TAOK3: variants seen among roughly 807,000 people sequenced by gnomAD.
TAOK3 encodes TAO kinase 3, also known as serine/threonine-protein kinase TAO3.
TAOK3 carries 40 observed loss-of-function variants against 120.4 expected under a neutral mutation model. That is an observed-to-expected ratio of 0.33 (90% confidence interval 0.26 to 0.43). The LOEUF is 0.43. TAOK3 is among the 20% of genes least tolerant of loss of function. The pLI is 1.00. For missense variants in TAOK3, 821 were observed against 1,112.1 expected (o/e 0.74, Z 3.72); for synonymous variants, 355 against 387.5 (o/e 0.92, Z 0.99).
At chr12:118,349,008 C>G (rs2045012603) in intron 1 of TAOK3, among the ~76,000 whole-genome samples, 1 of 151,922 alleles carries the variant, frequency 6.6e-6, no homozygotes, top group Admixed American at 6.6e-5. Flanking sequence ...TCTCTTGCCT[C>G]AGGCTCTTGA....
intron 1 of TAOK3, among the ~76,000 whole-genome samples, chr12:118,286,843 A>T (rs1363270214): frequency 6.6e-6 from 1 of 152,258 alleles, no homozygotes; most frequent in Non-Finnish European, 1.5e-5. Flanking sequence ...CAATGAGTGG[A>T]TAAAGAAACT....
chr12:118,321,661 C>CA (rs930191915), intron 1 of TAOK3, among the ~76,000 whole-genome samples: 2 of 151,988 alleles, frequency 1.3e-5, no homozygotes, highest in African/African-American at 4.8e-5. Flanking sequence ...CAAGACATTT[C>CA]AAAAAAAGAG....
chr12:118,151,210 C>A, intron 20 of TAOK3, 52 bp from the exon 21 acceptor site: 1 of 1,593,644 alleles, frequency 6.3e-7, no homozygotes, highest in South Asian at 1.1e-5. Flanking sequence ...TAACAGGCAC[C>A]CACGTGCACG....
chr12:118,177,737 C>T (rs981325782), intron 15 of TAOK3, among the ~76,000 whole-genome samples: 12 of 151,896 alleles, frequency 7.9e-5, no homozygotes, highest in African/African-American at 2.2e-4. Flanking sequence ...GCAGGAGAAT[C>T]GCTTGAACCC....
At chr12:118,232,743 T>A (rs1271548182) in intron 9 of TAOK3, among the ~76,000 whole-genome samples, 1 of 151,844 alleles carries the variant, frequency 6.6e-6, no homozygotes, top group Non-Finnish European at 1.5e-5. Context: ...CTGTCTCTAC[T>A]AAAATACAAA....
chr12:118,208,448 A>G (rs2038448941), intron 11 of TAOK3, among the ~76,000 whole-genome samples: 1 of 152,168 alleles, frequency 6.6e-6, no homozygotes, highest in Non-Finnish European at 1.5e-5. Context: ...AAGATCTACT[A>G]TAAATTAAAA....
intron 1 of TAOK3, among the ~76,000 whole-genome samples, chr12:118,326,271 C>G (rs2043930941): frequency 6.6e-6 from 1 of 152,152 alleles, no homozygotes; most frequent in African/African-American, 2.4e-5. Context: ...ATTATCCTTT[C>G]TCCAATGTAT....
rs995261448 is a variant in TAOK3 at position 118,170,915 on chromosome 12, A to G, written c.1899+1542T>C. Among the ~76,000 whole-genome samples the G allele has an allele frequency of 2.0e-5, 3 of 152,294 alleles. No homozygotes were observed. In the East Asian group the frequency reaches 5.8e-4, roughly 29 times the overall value. On this transcript the variant is annotated intron_variant, in intron 17 of 20. Transcript: ENST00000392533. Reference sequence around the variant, plus strand: ...CAATGCAGCTCTCTAACAAGGTTCTATCAATTCACTTTTGTATTAACTGTG... The same window carrying G: ...CAATGCAGCTCTCTAACAAGGTTCTGTCAATTCACTTTTGTATTAACTGTG...
intron 1 of TAOK3, among the ~76,000 whole-genome samples, chr12:118,277,484 G>C (rs1198497387): frequency 1.3e-5 from 2 of 150,882 alleles, no homozygotes; most frequent in East Asian, 2.0e-4. Context: ...TTTTTAAGAC[G>C]GAGTCTTGCT....
intron 19 of TAOK3, among the ~76,000 whole-genome samples, chr12:118,158,725 T>C (rs969695850): frequency 2.6e-5 from 4 of 152,210 alleles, no homozygotes; most frequent in African/African-American, 9.6e-5. Flanking sequence ...GTAACACAAA[T>C]CTGATCCAGT....
At chr12:118,189,582 G>GGT (rs2037306878) in intron 14 of TAOK3, among the ~76,000 whole-genome samples, 1 of 140,636 alleles carries the variant, frequency 7.1e-6, no homozygotes, top group Non-Finnish European at 1.5e-5. Context: ...ACACACAAAG[G>GGT]TTTTTTTTTT....
chr12:118,163,684 T>C (rs879400795), intron 17 of TAOK3, among the ~76,000 whole-genome samples: 22 of 152,016 alleles, frequency 1.4e-4, no homozygotes, highest in Non-Finnish European at 2.8e-4. Flanking sequence ...TTTTATGCTA[T>C]AAGATTTCTG....
At chr12:118,369,021 A>AAG (rs1555263801) in intron 1 of TAOK3, among the ~76,000 whole-genome samples, 99 of 146,894 alleles carry the variant, frequency 6.7e-4, no homozygotes, top group Non-Finnish European at 3.7e-4. Flanking sequence ...AAAAAAAAAA[A>AAG]AAGAAGAAGA....
chr12:118,291,690 T>C (rs796189658), intron 1 of TAOK3, among the ~76,000 whole-genome samples: 3 of 152,336 alleles, frequency 2.0e-5, no homozygotes, highest in African/African-American at 7.2e-5. Context: ...TCTGTTTTAA[T>C]GGACGTCTTA....
chr12:118,272,704 C>T (rs990953404), intron 1 of TAOK3, among the ~76,000 whole-genome samples: 1 of 152,138 alleles, frequency 6.6e-6, no homozygotes, highest in Non-Finnish European at 1.5e-5. Context: ...GGTGCAGTGG[C>T]TCATGCCTGT....
chr12:118,253,760 A>AAC (rs1566018932), intron 3 of TAOK3, among the ~76,000 whole-genome samples: 1 of 131,758 alleles, frequency 7.6e-6, no homozygotes, highest in African/African-American at 2.7e-5. Context: ...ACAAACAAAA[A>AAC]AAAAAAAACA....
At chr12:118,234,908 G>A (rs974103306) in intron 8 of TAOK3, among the ~76,000 whole-genome samples, 3 of 152,142 alleles carry the variant, frequency 2.0e-5, no homozygotes, top group Admixed American at 6.5e-5. Flanking sequence ...GAACAGAACT[G>A]TACTCTATTA....
At chr12:118,302,733 A>G (rs1032130759) in intron 1 of TAOK3, among the ~76,000 whole-genome samples, 2 of 152,246 alleles carry the variant, frequency 1.3e-5, no homozygotes, top group Non-Finnish European at 2.9e-5. Flanking sequence ...AGGAACAACT[A>G]TTCAATGCTG....
chr12:118,263,777 C>T (rs1262815423), intron 2 of TAOK3, among the ~76,000 whole-genome samples: 1 of 152,136 alleles, frequency 6.6e-6, no homozygotes, highest in East Asian at 1.9e-4. Flanking sequence ...AATGAAAACC[C>T]ATGAGAGGCC....
Sources: gnomAD v4.1 joint callset for allele counts (sites outside exome capture counted in the v4.1 genomes callset) on GRCh38, gnomAD v4.1.1 for gene constraint, MANE v1.5 for transcripts, NCBI Gene and HGNC (gene_info 2026-07-23, HGNC 2026-07-21) for gene names.